ITGB1: variants seen among roughly 807,000 people sequenced by gnomAD.
ITGB1 encodes the protein integrin beta-1.
A neutral mutation model predicts 86.5 loss-of-function variants in ITGB1; 24 were observed. The observed-to-expected ratio is 0.28, with a 90% CI of 0.20 to 0.39. The LOEUF is 0.39. Ranked by LOEUF, ITGB1 falls within the 10% of genes least tolerant of loss-of-function variation. The pLI is 1.00. For missense variants in ITGB1, 556 were observed against 946.9 expected, an observed-to-expected ratio of 0.59 and a Z score of 5.42; for synonymous variants, 323 against 316.8, an observed-to-expected ratio of 1.02 and a Z score of -0.21.
intron 15 of ITGB1, chr10:32,906,411 G>A (rs2094896575): frequency 1.6e-5 from 3 of 184,168 alleles, no homozygotes; most frequent in South Asian, 6.8e-5. Context: ...CCAATGTGGT[G>A]AAACCCCATC....
chr10:32,923,157 CA>C (rs1354004073), intron 7 of ITGB1, among the ~76,000 whole-genome samples: 2 of 151,932 alleles, frequency 1.3e-5, no homozygotes, highest in Non-Finnish European at 2.9e-5. Flanking sequence ...CAAGATTTAC[CA>C]TTTGGATTTC....
At chr10:32,928,017 G>A in intron 5 of ITGB1, 77 bp downstream of exon 5, 2 of 852,902 alleles carry the variant, frequency 2.3e-6, no homozygotes, top group Non-Finnish European at 1.8e-6. Flanking sequence ...GAGTAACAAA[G>A]GAATAAAATA....
At chr10:32,907,259 T>G (rs1484390872) in intron 15 of ITGB1, 6 of 320,692 alleles carry the variant, frequency 1.9e-5, no homozygotes, top group Non-Finnish European at 3.6e-5. Context: ...ATTTGTAATT[T>G]AAAAAATTGA....
At chr10:32,923,254 G>C (rs1454308724) in intron 7 of ITGB1, among the ~76,000 whole-genome samples, 1 of 152,186 alleles carries the variant, frequency 6.6e-6, no homozygotes, top group Admixed American at 6.5e-5. Context: ...CAAAGAGTAT[G>C]AGACTAGATA....
Position 32,912,113 on chromosome 10 carries a change from C to A in ITGB1, c.1481G>T (p.Gly494Val). The change falls in exon 12 of 16, where the codon GGG (glycine) becomes GTG (valine). Residue 494 changes from glycine (G) to valine (V), a missense_variant. By Grantham distance (109) the Gly-to-Val change is moderately radical (BLOSUM62 -3). Around this residue, in one of 4 missense-constraint regions of ITGB1, gnomAD observed 330 missense variants for 531.5 expected, o/e 0.62. Coordinates refer to ENST00000302278, the MANE Select transcript of ITGB1 (RefSeq NM_002211.4). ...GCATTCACAATGTCTACCAACACGC[C>A]CTTCATTGCACCTGAAGAAACATGC... ...FECGACRCNE[G>V]RVGRHCECST... 6.2e-7 allele frequency: 1 copy of A among 1,611,732 alleles called. No individual in the cohort carries two copies. The highest frequency in any genetic ancestry group is 8.5e-7 in the Non-Finnish European group (1 of 1,178,416).
intron 1 of ITGB1, among the ~76,000 whole-genome samples, chr10:32,939,767 A>C (rs2095013807): frequency 1.4e-5 from 2 of 144,104 alleles, no homozygotes; most frequent in South Asian, 4.6e-4. Context: ...TGAGTGAGTG[A>C]GAGGGGCAAG....
intron 1 of ITGB1, chr10:32,944,658 TTC>T: frequency 1.6e-6 from 1 of 634,882 alleles, no homozygotes; most frequent in Non-Finnish European, 3.0e-6. Context: ...TTGGGTGGTT[TTC>T]CATGGACACT....
At chr10:32,909,567 A>G (rs180999404) in intron 14 of ITGB1, among the ~76,000 whole-genome samples, 84 of 152,280 alleles carry the variant, frequency 5.5e-4, no homozygotes, top group Non-Finnish European at 9.6e-4. Flanking sequence ...CTGGGAGACA[A>G]TATTTGCAAA....
intron 1 of ITGB1, among the ~76,000 whole-genome samples, chr10:32,941,828 A>G (rs1314057026): frequency 6.6e-6 from 1 of 152,224 alleles, no homozygotes; most frequent in Non-Finnish European, 1.5e-5. Flanking sequence ...GATGGGAGAA[A>G]GAAAGGAATT....
chr10:32,954,076 A>G (rs2095047838), intron 1 of ITGB1, among the ~76,000 whole-genome samples: 1 of 152,076 alleles, frequency 6.6e-6, no homozygotes, highest in African/African-American at 2.4e-5. Context: ...GTTTGCATGC[A>G]CAGCCTATAG....
rs570305564 is a variant in ITGB1, at chr10:32,922,529, A to G, written c.1038+111T>C. 7.6e-6 allele frequency: 6 copies of G among 787,816 alleles called. No homozygotes were observed. In the South Asian group the frequency reaches 1.1e-4, roughly 14 times the overall value. 48.8% of individuals were successfully genotyped at this position (787,816 alleles called of 1,614,324 possible). A position where few individuals can be genotyped will look rare whatever the true frequency, so the allele number is the denominator to read the frequency against. The stretch of plus-strand genomic sequence containing the variant: ...AAAATTAATATAAACCACTTTTGTA[A>G]AATTCGGTTTGCCTATCTGGTGGCA... On this transcript the variant is annotated intron_variant, in intron 8 of 15. Coordinates refer to ENST00000302278, the MANE Select transcript of ITGB1 (RefSeq NM_002211.4).
chr10:32,923,777 T>A (rs2094956949), intron 6 of ITGB1, 37 bp from the exon 7 acceptor site: 1 of 1,546,810 alleles, frequency 6.5e-7, no homozygotes, highest in Non-Finnish European at 8.8e-7. Flanking sequence ...AAAACACTAT[T>A]CACAGTAATT....
In ITGB1 at chr10:32,928,179, T is replaced by C. The variant is rs779291550; in HGVS notation, c.462A>G (p.Ser154=). ...TTACATTCTCCAAATCGTCTTTCAT[T>C]GAGTAAGACAGGTCCATAAGGTAGT... ...DLYYLMDLSY[S]MKDDLENVKS... Residue 154 remains serine, a synonymous_variant, in exon 5 of 16, where the codon TCA becomes TCG. Transcript: ENST00000302278. 7.2e-7 allele frequency: 1 copy of C among 1,385,602 alleles called. No individual in the cohort carries two copies. Among genetic ancestry groups the C allele is most frequent in the African/African-American group, 1.4e-5 (1 of 70,822 alleles). The allele number at this position is 1,385,602 out of a possible 1,614,324, so 85.8% of individuals were successfully genotyped here.
intron 5 of ITGB1, among the ~76,000 whole-genome samples, chr10:32,927,272 C>A (rs2094967906): frequency 6.6e-6 from 1 of 152,134 alleles, no homozygotes; most frequent in Admixed American, 6.5e-5. Flanking sequence ...ACTGTCAAAT[C>A]TTTCTAATAT....
intron 1 of ITGB1, among the ~76,000 whole-genome samples, chr10:32,952,987 T>C (rs561870675): frequency 6.6e-6 from 1 of 152,250 alleles, no homozygotes; most frequent in South Asian, 2.1e-4. Context: ...CTTCATTTTA[T>C]ATAGCCTTCA....
At chr10:32,916,351 C>G (rs1006832619) in intron 11 of ITGB1, among the ~76,000 whole-genome samples, 4 of 152,130 alleles carry the variant, frequency 2.6e-5, no homozygotes, top group Non-Finnish European at 4.4e-5. Flanking sequence ...TAACAATATT[C>G]CCACAAAGGG....
Position 32,911,550 on chromosome 10 carries a change from C to T in ITGB1, c.1829G>A (p.Arg610Gln), listed in dbSNP as rs2094913358. Residue 610 changes from arginine (R) to glutamine (Q), a missense_variant, in exon 13 of 16, where the codon CGG becomes CAG. Arg to Gln is a conservative substitution (Grantham distance 43). Transcript: ENST00000302278. ...ACAGACACCACACTCGCAGATGCCCCGGCCATTGCAGATCTGTCCGTTGCT... is the reference window on the plus strand; with the variant it reads ...ACAGACACCACACTCGCAGATGCCCTGGCCATTGCAGATCTGTCCGTTGCT... ...EASNGQICNG[R>Q]GICECGVCKC... is the part of the protein sequence containing the mutation. 5 of 1,613,980 alleles carry T rather than the reference C, an allele frequency of 3.1e-6. No individual in the cohort carries two copies. The highest frequency in any genetic ancestry group is 4.2e-6 in the Non-Finnish European group (5 of 1,179,988).
At chr10:32,941,390 GTATAAGT>G (rs1282353792) in intron 1 of ITGB1, among the ~76,000 whole-genome samples, 1 of 152,252 alleles carries the variant, frequency 6.6e-6, no homozygotes, top group African/African-American at 2.4e-5. Context: ...TCTATTGTAA[GTATAAGT>G]TATATTATCT....
chr10:32,952,411 CATT>C (rs1378112157), intron 1 of ITGB1, among the ~76,000 whole-genome samples: 1 of 151,706 alleles, frequency 6.6e-6, no homozygotes, highest in Non-Finnish European at 1.5e-5. Flanking sequence ...TCTAACATAA[CATT>C]ATACTACCAA....
Sources: gnomAD v4.1 joint callset for allele counts (sites outside exome capture counted in the v4.1 genomes callset) on GRCh38, gnomAD v4.1.1 for gene constraint, gnomAD v4.1.1 regional missense constraint, MANE v1.5 for transcripts, NCBI Gene and HGNC (gene_info 2026-07-23, HGNC 2026-07-21) for gene names.